HIPK1: variants seen among roughly 807,000 people sequenced by gnomAD.
HIPK1 encodes the protein homeodomain interacting protein kinase 1.
A neutral mutation model predicts 117.1 loss-of-function variants in HIPK1; 28 were observed. The ratio of observed to expected loss-of-function variants is 0.24; its 90% CI spans 0.18 to 0.33. The LOEUF is 0.33. Ranked by LOEUF, HIPK1 falls within the 10% of genes least tolerant of loss-of-function variation. The pLI is 1.00. For missense variants in HIPK1, 1,122 were observed against 1,475.1 expected (o/e 0.76, Z 3.92); for synonymous variants, 605 against 562.5 (o/e 1.08, Z -1.07).
In HIPK1 at chr1:113,967,829, C is replaced by T. The variant is rs1318492591; in HGVS notation, c.2445C>T (p.Asn815=). ...TGCAGCAGCCATCCTTGCTGACTAA[C>T]CATGTGACATTGGCCACTGCTCAGC... ...TIMQQPSLLT[N]HVTLATAQPL... Residue 815 remains asparagine, a synonymous_variant, in exon 12 of 16, where the codon AAC becomes AAT. Transcript: ENST00000426820. 6.2e-7 allele frequency: 1 copy of T among 1,612,252 alleles called. No homozygotes were observed. The highest frequency in any genetic ancestry group is 1.1e-5 in the South Asian group (1 of 90,702).
At chr1:113,971,788 G>A (rs1672842651) in intron 14 of HIPK1, 36 bp from the exon 15 acceptor site, 2 of 1,576,948 alleles carry the variant, frequency 1.3e-6, no homozygotes, top group Admixed American at 2.1e-5. Flanking sequence ...GCTCAGTGAT[G>A]TCTACTCATA....
chr1:113,939,237 C>T (rs1351048820), intron 1 of HIPK1, among the ~76,000 whole-genome samples: 1 of 151,924 alleles, frequency 6.6e-6, no homozygotes, highest in African/African-American at 2.4e-5. Flanking sequence ...TCACTGCAGC[C>T]TCTACCTCTG....
chr1:113,929,676 G>A (rs1669705251), intron 1 of HIPK1, 144 bp downstream of exon 1: 1 of 876,124 alleles, frequency 1.1e-6, no homozygotes, highest in Non-Finnish European at 1.5e-6. Context: ...GCCCCGGACG[G>A]CAGCAGGAGG....
chr1:113,941,045 T>G lies in HIPK1; in HGVS notation c.662T>G (p.Leu221Trp). 1 of 1,614,166 alleles carries G rather than the reference T, an allele frequency of 6.2e-7. No homozygotes were observed. Among genetic ancestry groups the G allele is most frequent in the Non-Finnish European group, 8.5e-7 (1 of 1,180,028 alleles). ...STKEIVAIKI[L>W]KNHPSYARQG... ...AAGGAAATTGTGGCTATTAAAATCT[T>G]GAAGAACCACCCCTCCTATGCCAGA... The change falls in exon 2 of 16, where the codon TTG becomes TGG. Residue 221 changes from leucine (L) to tryptophan (W), a missense_variant. Leu to Trp is a moderately conservative substitution (Grantham distance 61). Transcript: ENST00000426820. The surrounding 1 kb of genome is among the most constrained non-coding windows in gnomAD (Gnocchi z 4.9).
At chr1:113,944,356 G>T (rs1182486611) in intron 2 of HIPK1, among the ~76,000 whole-genome samples, 2 of 151,412 alleles carry the variant, frequency 1.3e-5, no homozygotes, top group East Asian at 1.9e-4. Context: ...TAGAGATGGG[G>T]TTTTACCATG....
At chr1:113,968,089 A>T in intron 12 of HIPK1, 141 bp downstream of exon 12, 2 of 712,284 alleles carry the variant, frequency 2.8e-6, no homozygotes, top group Non-Finnish European at 4.6e-6. Context: ...AAATCATTTC[A>T]TCTGGGCATG....
chr1:113,953,771 A>C, intron 3 of HIPK1: 1 of 152,154 alleles, frequency 6.6e-6, no homozygotes, highest in Non-Finnish European at 1.5e-5. Context: ...CACCTGCCTC[A>C]GCCTCCCAAA....
intron 2 of HIPK1, among the ~76,000 whole-genome samples, chr1:113,943,617 A>G (rs1030426949): frequency 2.0e-5 from 3 of 151,990 alleles, no homozygotes; most frequent in Admixed American, 6.6e-5. Context: ...CCTAGTCCCT[A>G]TTTTCAGTTC....
chr1:113,970,174 G>A lies in HIPK1; in HGVS notation c.2990G>A (p.Cys997Tyr). 4 of 1,614,180 alleles carry A rather than the reference G, an allele frequency of 2.5e-6. No individual in the cohort carries two copies. The highest frequency in any genetic ancestry group is 3.4e-6 in the Non-Finnish European group (4 of 1,180,016). ...CCACTGAAAACTCAGCTTGGTGACTGCACTGTAGCAACCCAGGCCTCAGGT... is the reference window on the plus strand; with the variant it reads ...CCACTGAAAACTCAGCTTGGTGACTACACTGTAGCAACCCAGGCCTCAGGT... ...VPPLKTQLGD[C>Y]TVATQASGLL... Residue 997 changes from cysteine to tyrosine, a missense_variant, in exon 14 of 16, where the codon TGC becomes TAC. Coordinates refer to ENST00000426820, the MANE Select transcript of HIPK1 (RefSeq NM_198268.3).
chr1:113,970,011 C>A lies in HIPK1; in HGVS notation c.2827C>A (p.Pro943Thr). The change falls in exon 14 of 16, where the codon CCA becomes ACA. Residue 943 changes from proline (P) to threonine (T), a missense_variant. Pro to Thr is a conservative substitution (Grantham distance 38). Coordinates refer to ENST00000426820, the MANE Select transcript of HIPK1 (RefSeq NM_198268.3). ...VISYVTVNDSPDSDSSLSSPY... is the reference protein window; with the variant it reads ...VISYVTVNDSTDSDSSLSSPY... ...CAGTTATGTCACTGTCAATGATTCT[C>A]CAGACTCTGACTCTTCTTTGAGCAG... 1 of 1,614,146 alleles carries A rather than the reference C, an allele frequency of 6.2e-7. No homozygotes were observed. Among genetic ancestry groups the A allele is most frequent in the Admixed American group, 1.7e-5 (1 of 60,028 alleles).
rs966587580 is a variant in HIPK1, at chr1:113,955,766, A to G, written c.1407+117A>G. The G allele has an allele frequency of 5.2e-6, 3 of 580,474 alleles. No individual in the cohort carries two copies. In the African/African-American group the frequency reaches 5.7e-5, roughly 11 times the overall value. 36.0% of individuals were successfully genotyped at this position (580,474 alleles called of 1,614,324 possible). A position where few individuals can be genotyped will look rare whatever the true frequency, so the allele number is the denominator to read the frequency against. Reference sequence around the variant, plus strand: ...TCTAGTATTTGTTTTCAGTTTTTATAAAAAATGCATTAATATTCCACCATG... The same window carrying G: ...TCTAGTATTTGTTTTCAGTTTTTATGAAAAATGCATTAATATTCCACCATG... On this transcript the variant is annotated intron_variant, in intron 5 of 15. Coordinates refer to ENST00000426820, the MANE Select transcript of HIPK1 (RefSeq NM_198268.3).
At chr1:113,972,294 A>G (rs974224602) in intron 15 of HIPK1, among the ~76,000 whole-genome samples, 2 of 152,340 alleles carry the variant, frequency 1.3e-5, no homozygotes, top group Admixed American at 6.5e-5. Context: ...CCCCCAGGCC[A>G]TAAGTAAGCT....
chr1:113,957,866 T>A (rs1442665192), intron 7 of HIPK1, among the ~76,000 whole-genome samples, 200 bp from the exon 8 acceptor site: 1 of 152,172 alleles, frequency 6.6e-6, no homozygotes, highest in African/African-American at 2.4e-5. Flanking sequence ...TTTTTTTTTT[T>A]TTATTTGCTT....
At chr1:113,968,227 A>G (rs376119865) in intron 12 of HIPK1, among the ~76,000 whole-genome samples, 30 of 152,326 alleles carry the variant, frequency 2.0e-4, no homozygotes, top group African/African-American at 6.5e-4. Flanking sequence ...AGGGCTTATA[A>G]AAGTAAAATG....
At chr1:113,972,987 ACCTCAGGATT>A (rs1558151691) in intron 15 of HIPK1, 27 bp from the exon 16 acceptor site, 1 of 1,508,954 alleles carries the variant, frequency 6.6e-7, no homozygotes, top group East Asian at 2.3e-5. Flanking sequence ...AGCTGGAGTG[ACCTCAGGATT>A]CCTCACTTCT....
rs1174480961 is a variant in HIPK1 at position 113,974,691 on chromosome 1, A to G, written c.*1179A>G. The G allele has an allele frequency of 1.3e-5, 2 of 152,664 alleles. No individual in the cohort carries two copies. Among genetic ancestry groups the G allele is most frequent in the Admixed American group, 6.5e-5 (1 of 15,286 alleles). 9.5% of individuals were successfully genotyped at this position (152,664 alleles called of 1,614,324 possible). A position where few individuals can be genotyped will look rare whatever the true frequency, so the allele number is the denominator to read the frequency against. ...TAAGTGCATGTAGGAATTGCAAAAA[A>G]TATTTTAAAAATTTATTACTGAATT... On this transcript the variant is annotated 3_prime_UTR_variant, in exon 16 of 16. Coordinates refer to ENST00000426820, the MANE Select transcript of HIPK1 (RefSeq NM_198268.3).
chr1:113,963,031 T>G (rs1337021478), intron 9 of HIPK1, among the ~76,000 whole-genome samples: 3 of 152,224 alleles, frequency 2.0e-5, no homozygotes, highest in African/African-American at 7.2e-5. Context: ...ATATTTTATA[T>G]TTTATATATA....
intron 2 of HIPK1, chr1:113,951,310 T>C (rs1671349950): frequency 2.1e-6 from 2 of 974,098 alleles, no homozygotes; most frequent in African/African-American, 1.8e-5. Context: ...CTTTTACTTA[T>C]TGAGAAACAG....
At chr1:113,963,060 C>T (rs890340235) in intron 9 of HIPK1, among the ~76,000 whole-genome samples, 1 of 152,134 alleles carries the variant, frequency 6.6e-6, no homozygotes, top group Non-Finnish European at 1.5e-5. Flanking sequence ...TGGCCTATGA[C>T]ACATAGGAAA....
Sources: allele counts gnomAD v4.1 joint callset (sites outside exome capture counted in the v4.1 genomes callset), GRCh38; gene constraint gnomAD v4.1.1; non-coding constraint Gnocchi (gnomAD v3.1); transcripts MANE v1.5; gene names NCBI Gene and HGNC (gene_info 2026-07-23, HGNC 2026-07-21).